The following TCF7L1 variants were observed in gnomAD, a reference collection of about 807,000 sequenced individuals.
TCF7L1 encodes the protein transcription factor 7 like 1, also known as transcription factor 7-like 1.
A neutral mutation model predicts 63.7 loss-of-function variants in TCF7L1; 18 were observed. That is an observed-to-expected ratio of 0.28 (90% confidence interval 0.20 to 0.42). The LOEUF is 0.42. Among genes scored for constraint, TCF7L1 ranks in the 10% least tolerant of loss-of-function variants. The pLI is 1.00. For missense variants in TCF7L1, 654 were observed against 779.3 expected (o/e 0.84, Z 1.91); for synonymous variants, 355 against 340.9 (o/e 1.04, Z -0.46).
At chr2:85,234,153 T>TTTTTTTTTTTTTTTTTA (rs1558641614) in intron 3 of TCF7L1, among the ~76,000 whole-genome samples, 1 of 134,332 alleles carries the variant, frequency 7.4e-6, no homozygotes. Context: ...TTTTTTTTTT[T>TTTTTTTTTTTTTTTTTA]CGAGATGGAG....
At chr2:85,291,849 G>C (rs1268417794) in intron 4 of TCF7L1, among the ~76,000 whole-genome samples, 1 of 152,106 alleles carries the variant, frequency 6.6e-6, no homozygotes. Flanking sequence ...AGGACTACAG[G>C]TGTGCACCAC....
At chr2:85,146,497 C>CTTTTT (rs554058692) in intron 3 of TCF7L1, among the ~76,000 whole-genome samples, 70 of 103,554 alleles carry the variant, frequency 6.8e-4, no homozygotes, top group Non-Finnish European at 8.4e-4. Context: ...TTCTTTCTTT[C>CTTTTT]TTTTTTTTTT....
intron 5 of TCF7L1, among the ~76,000 whole-genome samples, 161 bp downstream of exon 5, chr2:85,302,777 T>A (rs1338426824): frequency 1.3e-5 from 2 of 152,178 alleles, no homozygotes; most frequent in African/African-American, 4.8e-5. Context: ...TTGTCATTTT[T>A]TTTTTCATCT....
At chr2:85,209,084 G>C (rs761074898) in intron 3 of TCF7L1, among the ~76,000 whole-genome samples, 2 of 152,192 alleles carry the variant, frequency 1.3e-5, no homozygotes. Context: ...TGGGACAGAC[G>C]AATGTTACAT....
In TCF7L1 at chr2:85,273,455, A is replaced by T. The variant is rs199986726; in HGVS notation, c.442-10040A>T. On this transcript the variant is annotated intron_variant, in intron 3 of 11. Transcript: ENST00000282111. ...CTCACTCATTATAAGAGTAATGGAA[A>T]CTCCAGTGAGGGACTTTTTTACCTG... is the stretch of plus-strand genomic sequence containing the variant. Among the ~76,000 whole-genome samples the T allele has an allele frequency of 5.9e-5, 9 of 152,260 alleles. No individual in the cohort carries two copies. The East Asian group carries it at 1.7e-3, about 29-fold the overall frequency.
At chr2:85,155,311 G>A (rs534170085) in intron 3 of TCF7L1, among the ~76,000 whole-genome samples, 5 of 152,302 alleles carry the variant, frequency 3.3e-5, no homozygotes, top group Admixed American at 6.5e-5. Flanking sequence ...ACAAATAAGG[G>A]AATAAAAGCT....
chr2:85,266,607 G>T (rs1243149214), intron 3 of TCF7L1, among the ~76,000 whole-genome samples: 2 of 152,186 alleles, frequency 1.3e-5, no homozygotes, highest in East Asian at 3.8e-4. Flanking sequence ...TTTGTTTCCC[G>T]CTGGTCATTG....
chr2:85,242,813 A>G (rs928244621), intron 3 of TCF7L1, among the ~76,000 whole-genome samples: 1 of 152,108 alleles, frequency 6.6e-6, no homozygotes, highest in Non-Finnish European at 1.5e-5. Context: ...CAGGGCCTCT[A>G]TATCCCCTTT....
At chr2:85,198,866 TAAAAA>T (rs1212195843) in intron 3 of TCF7L1, among the ~76,000 whole-genome samples, 1 of 151,774 alleles carries the variant, frequency 6.6e-6, no homozygotes, top group African/African-American at 2.4e-5. Context: ...TTCTCCAAAA[TAAAAA>T]GAAAAAAGAA....
At chr2:85,137,620 C>T (rs765391803) in intron 3 of TCF7L1, among the ~76,000 whole-genome samples, 4 of 152,160 alleles carry the variant, frequency 2.6e-5, no homozygotes, top group East Asian at 1.9e-4. Flanking sequence ...TGGCTGGGTG[C>T]GGTGGCTTAG....
chr2:85,303,581 T>C, intron 5 of TCF7L1: 1 of 274,714 alleles, frequency 3.6e-6, no homozygotes, highest in Non-Finnish European at 6.8e-6. Context: ...GTGACTCTTG[T>C]CATTGGTCTT....
chr2:85,271,446 T>A (rs1182824688), intron 3 of TCF7L1, among the ~76,000 whole-genome samples: 1 of 152,212 alleles, frequency 6.6e-6, no homozygotes, highest in Non-Finnish European at 1.5e-5. Context: ...TAATAATATC[T>A]GCTTTACCTA....
At chr2:85,228,355 A>G (rs1353869650) in intron 3 of TCF7L1, among the ~76,000 whole-genome samples, 1 of 152,196 alleles carries the variant, frequency 6.6e-6, no homozygotes, top group Non-Finnish European at 1.5e-5. Context: ...TAGGAGGTCA[A>G]GGCTGCAGTG....
intron 3 of TCF7L1, among the ~76,000 whole-genome samples, chr2:85,197,733 G>T (rs1436476115): frequency 6.6e-6 from 1 of 152,230 alleles, no homozygotes; most frequent in African/African-American, 2.4e-5. Flanking sequence ...AGATTCATCT[G>T]ATTTTTGTGT....
At position 85,194,051 on chromosome 2, in the gene TCF7L1, G is replaced by A. The variant is rs998959511; in HGVS notation, c.441+59601G>A. Among the ~76,000 whole-genome samples the A allele has an allele frequency of 2.6e-5, 4 of 152,074 alleles. No homozygotes were observed. The East Asian group carries it at 7.7e-4, about 29-fold the overall frequency. ...GGAGAGGGGCTATGGGATGGAGAGG[G>A]GTGGGGCAGAACCCTGGAAGGTGAC... On this transcript the variant is annotated intron_variant, in intron 3 of 11. Transcript: ENST00000282111.
intron 3 of TCF7L1, among the ~76,000 whole-genome samples, chr2:85,204,343 A>T (rs1426473635): frequency 2.5e-5 from 3 of 118,440 alleles, no homozygotes; most frequent in Non-Finnish European, 4.8e-5. Context: ...CGATGTCAGT[A>T]CATACGCGCT....
intron 3 of TCF7L1, among the ~76,000 whole-genome samples, chr2:85,188,976 T>G (rs1378497451): frequency 6.6e-6 from 1 of 152,198 alleles, no homozygotes; most frequent in Admixed American, 6.5e-5. Context: ...TCTTTAATTA[T>G]CTTTTTGGGG....
chr2:85,240,354 T>C (rs1422357129), intron 3 of TCF7L1, among the ~76,000 whole-genome samples: 1 of 152,252 alleles, frequency 6.6e-6, no homozygotes, highest in African/African-American at 2.4e-5. Flanking sequence ...AACCTCAGGC[T>C]GTCATCGCAG....
intron 3 of TCF7L1, among the ~76,000 whole-genome samples, chr2:85,135,706 G>A (rs1456991879): frequency 6.7e-6 from 1 of 149,368 alleles, no homozygotes; most frequent in Non-Finnish European, 1.5e-5. Context: ...TTGACGGGGG[G>A]CGGTGGAAGA....
Sources: allele counts gnomAD v4.1 joint callset (sites outside exome capture counted in the v4.1 genomes callset), GRCh38; gene constraint gnomAD v4.1.1; transcripts MANE v1.5; gene names NCBI Gene and HGNC (gene_info 2026-07-23, HGNC 2026-07-21).